Variants in OR6V1 observed in about 807,000 individuals in gnomAD.
The protein encoded by OR6V1 is olfactory receptor family 6 subfamily V member 1, also known as olfactory receptor 6V1.
OR6V1 carries 10 observed loss-of-function variants against 13.2 expected under a neutral mutation model. That is an observed-to-expected ratio of 0.76 (90% CI 0.47 to 1.28). OR6V1 has a LOEUF of 1.28. Ranked by LOEUF, OR6V1 falls within the 50% of genes most tolerant of loss-of-function variation. The probability of loss-of-function intolerance (pLI) is 0.00; values close to 1 mark genes in which losing one functional copy is unlikely to be tolerated. For synonymous variants in OR6V1, 137 were observed against 154.2 expected, an observed-to-expected ratio of 0.89 and a Z score of 0.83; for missense variants, 350 against 380.4, an observed-to-expected ratio of 0.92 and a Z score of 0.67.
In OR6V1 at chr7:143,052,776, G is replaced by A. The variant is rs766206238; in HGVS notation, c.436G>A (p.Ala146Thr). Residue 146 changes from alanine to threonine, a missense_variant, in exon 1 of 1, where the codon GCC becomes ACC. Coordinates refer to ENST00000418316, the MANE Select transcript of OR6V1 (RefSeq NM_001001667.1). Reference sequence around the variant, plus strand: ...TATGTGTGTCCAGCTGGCTGGGGCTGCCTGGGCAGCTCCTTTCCTAGCCAT... The same window carrying A: ...TATGTGTGTCCAGCTGGCTGGGGCTACCTGGGCAGCTCCTTTCCTAGCCAT... ...RAMCVQLAGAAWAAPFLAMVP... is the reference protein window; with the variant it reads ...RAMCVQLAGATWAAPFLAMVP... 6.2e-7 allele frequency: 1 copy of A among 1,613,904 alleles called. No homozygotes were observed. The highest frequency in any genetic ancestry group is 1.7e-5 in the Admixed American group (1 of 60,008).
In OR6V1 at chr7:143,052,520, C is replaced by T. The variant is rs767837767; in HGVS notation, c.180C>T (p.Phe60=). 6.2e-7 allele frequency: 1 copy of T among 1,614,018 alleles called. No homozygotes were observed. The highest frequency in any genetic ancestry group is 1.1e-5 in the South Asian group (1 of 91,082). Residue 60 remains phenylalanine, a synonymous_variant, in exon 1 of 1, where the codon TTC becomes TTT. Transcript: ENST00000418316. ...ACCTACATACACCCATGTACTTCTT[C>T]CTGGGCAATTTTTCCCTGCTGGAGA... ...DTHLHTPMYF[F]LGNFSLLEIL...
chr7:143,052,734 A>G lies in OR6V1; in HGVS notation c.394A>G (p.Thr132Ala). 6.2e-7 allele frequency: 1 copy of G among 1,613,878 alleles called. No individual in the cohort carries two copies. Among genetic ancestry groups the G allele is most frequent in the Non-Finnish European group, 8.5e-7 (1 of 1,179,872 alleles). The change falls in exon 1 of 1, where the codon ACT becomes GCT. Residue 132 changes from threonine (T) to alanine (A), a missense_variant. Coordinates refer to ENST00000418316, the MANE Select transcript of OR6V1 (RefSeq NM_001001667.1). ...CATCTGCCACCCACTGCGCTATGGC[A>G]CTCTGATGAGCCGGGCTATGTGTGT... is the stretch of plus-strand genomic sequence containing the variant. ...VAICHPLRYG[T>A]LMSRAMCVQL...
Position 143,053,153 on chromosome 7 carries a change from C to T in OR6V1, c.813C>T (p.Val271=), listed in dbSNP as rs370552765. The T allele has an allele frequency of 1.9e-6, 3 of 1,613,980 alleles. No individual in the cohort carries two copies. The highest frequency in any genetic ancestry group is 1.1e-5 in the South Asian group (1 of 91,080). The change falls in exon 1 of 1, where the codon GTC becomes GTT. Residue 271 remains valine (V), a synonymous_variant. Coordinates refer to ENST00000418316, the MANE Select transcript of OR6V1 (RefSeq NM_001001667.1). ...CTCACTCTGTGCAAGTCAGGAAGGT[C>T]GTGGCCTTGGTGACTTCAGTTCTCA... is the stretch of plus-strand genomic sequence containing the variant. ...GKAHSVQVRK[V]VALVTSVLTP...
chr7:143,053,096 T>A lies in OR6V1; in HGVS notation c.756T>A (p.Ser252Arg). The A allele has an allele frequency of 2.5e-6, 4 of 1,614,046 alleles. No homozygotes were observed. The South Asian group carries it at 4.4e-5, about 18-fold the overall frequency. ...HLTLVFIGYSSTIFLYVRPGK... is the reference protein window; with the variant it reads ...HLTLVFIGYSRTIFLYVRPGK... ...CACTGGTCTTCATCGGCTACAGTAG[T>A]ACCATCTTTCTGTATGTCAGGCCTG... Residue 252 changes from serine (S) to arginine (R), a missense_variant, in exon 1 of 1, where the codon AGT becomes AGA. Coordinates refer to ENST00000418316, the MANE Select transcript of OR6V1 (RefSeq NM_001001667.1).
Position 143,053,051 on chromosome 7 carries a change from C to T in OR6V1, c.711C>T (p.Ser237=), listed in dbSNP as rs1191018203. Residue 237 remains serine (S), a synonymous_variant, in exon 1 of 1, where the codon TCC becomes TCT. Transcript: ENST00000418316. ...CCAGCAGCTGCCAGAAGGCTTTCTCCACTTGCGGGTCTCACCTCACACTGG... is the reference window on the plus strand; with the variant it reads ...CCAGCAGCTGCCAGAAGGCTTTCTCTACTTGCGGGTCTCACCTCACACTGG... ...PSASSCQKAF[S]TCGSHLTLVF... 8 of 1,614,014 alleles carry T rather than the reference C, an allele frequency of 5.0e-6. No individual in the cohort carries two copies. The highest frequency in any genetic ancestry group is 6.8e-6 in the Non-Finnish European group (8 of 1,179,886).
Position 143,052,598 on chromosome 7 carries a change from C to T in OR6V1, c.258C>T (p.Pro86=), listed in dbSNP as rs61997195. 14,033 of 1,614,004 alleles carry T rather than the reference C, an allele frequency of 8.7e-3. 953 individuals are homozygous for T. The African/African-American group carries it at 0.15, about 18-fold the overall frequency. The change falls in exon 1 of 1, where the codon CCC becomes CCT. Residue 86 remains proline (P), a synonymous_variant. Transcript: ENST00000418316. ...VPRMLSDLLV[P]HKVITFTGCM... ...GGATGCTCTCAGACCTGTTGGTCCC[C>T]CACAAAGTCATTACCTTCACTGGCT...
At position 143,052,445 on chromosome 7, in the gene OR6V1, C is replaced by T. The variant is rs370599285; in HGVS notation, c.105C>T (p.Leu35=). The change falls in exon 1 of 1, where the codon CTC becomes CTT. Residue 35 remains leucine (L), a synonymous_variant. Transcript: ENST00000418316. ...LYGPFLMLYL[L]AFMGNTIIIV... is the part of the protein sequence containing the mutation. ...GCCCCTTCCTCATGCTTTATCTTCT[C>T]GCCTTCATGGGAAACACCATCATCA... 1.4e-5 allele frequency: 23 copies of T among 1,613,728 alleles called. No homozygotes were observed. The highest frequency in any genetic ancestry group is 6.7e-5 in the African/African-American group (5 of 74,900).
Position 143,052,488 on chromosome 7 carries a change from GAC to G in OR6V1, c.151_152del (p.Thr51ProfsTer68). 1 of 1,613,934 alleles carries G rather than the reference GAC, an allele frequency of 6.2e-7. No individual in the cohort carries two copies. The highest frequency in any genetic ancestry group is 8.5e-7 in the Non-Finnish European group (1 of 1,179,874). ...NTIIIVMVIA[D>X]THLHTPMYFF... ...CATCATCATAGTTATGGTCATAGCT[GAC>G]ACCCACCTACATACACCCATGTACT... On this transcript the variant is annotated frameshift_variant, in exon 1 of 1. Transcript: ENST00000418316. LOFTEE classifies it high-confidence loss of function.
Position 143,052,852 on chromosome 7 carries a change from TC to T in OR6V1, c.513del (p.Ile172SerfsTer28), listed in dbSNP as rs1798223403. The T allele has an allele frequency of 6.2e-7, 1 of 1,614,054 alleles. No individual in the cohort carries two copies. Among genetic ancestry groups the T allele is most frequent in the Non-Finnish European group, 8.5e-7 (1 of 1,179,894 alleles). ...CATCTTGATTACTGCCATGGCGACG[TC>T]ATCAACCACTTCTTCTGTGACAATG... ...RAHLDYCHGD[V>X]INHFFCDNEP... On this transcript the variant is annotated frameshift_variant, in exon 1 of 1. Coordinates refer to ENST00000418316, the MANE Select transcript of OR6V1 (RefSeq NM_001001667.1). LOFTEE classifies it high-confidence loss of function.
Position 143,053,172 on chromosome 7 carries a change from G to C in OR6V1, c.832G>C (p.Val278Leu), listed in dbSNP as rs755314327. ...GAAGGTCGTGGCCTTGGTGACTTCA[G>C]TTCTCACCCCCTTTCTCAATCCCTT... ...VRKVVALVTS[V>L]LTPFLNPFIL... The change falls in exon 1 of 1, where the codon GTT becomes CTT. Residue 278 changes from valine to leucine, a missense_variant. Val to Leu is a conservative substitution (Grantham distance 32, BLOSUM62 1). Transcript: ENST00000418316. The C allele has an allele frequency of 2.5e-6, 4 of 1,613,876 alleles. No homozygotes were observed. In the African/African-American group the frequency reaches 4.0e-5, roughly 16 times the overall value.
rs755333653 is a variant in OR6V1, at chr7:143,053,085, G to A, written c.745G>A (p.Gly249Ser). Residue 249 changes from glycine (G) to serine (S), a missense_variant, in exon 1 of 1, where the codon GGC becomes AGC. Coordinates refer to ENST00000418316, the MANE Select transcript of OR6V1 (RefSeq NM_001001667.1). ...CGSHLTLVFI[G>S]YSSTIFLYVR... The stretch of plus-strand genomic sequence containing the variant: ...GTCTCACCTCACACTGGTCTTCATC[G>A]GCTACAGTAGTACCATCTTTCTGTA... 16 of 1,613,844 alleles carry A rather than the reference G, an allele frequency of 9.9e-6. No individual in the cohort carries two copies. Among genetic ancestry groups the A allele is most frequent in the African/African-American group, 2.7e-5 (2 of 74,900 alleles).
chr7:143,052,468 T>G lies in OR6V1; in HGVS notation c.128T>G (p.Ile43Ser). 6.2e-7 allele frequency: 1 copy of G among 1,613,828 alleles called. No individual in the cohort carries two copies. Among genetic ancestry groups the G allele is most frequent in the Non-Finnish European group, 8.5e-7 (1 of 1,179,728 alleles). Reference protein sequence around the residue: ...YLLAFMGNTIIIVMVIADTHL... With the variant: ...YLLAFMGNTISIVMVIADTHL... ...CTCGCCTTCATGGGAAACACCATCA[T>G]CATAGTTATGGTCATAGCTGACACC... The change falls in exon 1 of 1, where the codon ATC (isoleucine) becomes AGC (serine). Residue 43 changes from isoleucine to serine, a missense_variant. Transcript: ENST00000418316.
At position 143,053,247 on chromosome 7, in the gene OR6V1, A is replaced by T. The variant is rs1798230799; in HGVS notation, c.907A>T (p.Met303Leu). The T allele has an allele frequency of 6.2e-7, 1 of 1,608,606 alleles. No individual in the cohort carries two copies. Among genetic ancestry groups the T allele is most frequent in the East Asian group, 2.2e-5 (1 of 44,868 alleles). ...QTVKTVLQGQ[M>L]QRLKGLCKAQ ...AGTTAAAACAGTGCTACAGGGGCAG[A>T]TGCAGAGGCTGAAAGGCCTTTGCAA... The change falls in exon 1 of 1, where the codon ATG becomes TTG. Residue 303 changes from methionine (M) to leucine (L), a missense_variant. Coordinates refer to ENST00000418316, the MANE Select transcript of OR6V1 (RefSeq NM_001001667.1).
rs1586328405 is a variant in OR6V1, at chr7:143,052,352, G to A, written c.12G>A (p.Leu4=). The part of the protein sequence containing the change: MAN[L]SQPSEFVLLG... ...CCATACTGTGGATCATGGCAAATCT[G>A]AGCCAGCCCTCCGAATTTGTCCTCT... Residue 4 remains leucine, a synonymous_variant, in exon 1 of 1, where the codon CTG becomes CTA. Transcript: ENST00000418316. The A allele has an allele frequency of 6.2e-7, 1 of 1,613,714 alleles. No individual in the cohort carries two copies. The highest frequency in any genetic ancestry group is 1.3e-5 in the African/African-American group (1 of 74,992).
Position 143,052,870 on chromosome 7 carries a change from G to C in OR6V1, c.530G>C (p.Cys177Ser). 6.2e-7 allele frequency: 1 copy of C among 1,614,002 alleles called. No individual in the cohort carries two copies. ...GGCGACGTCATCAACCACTTCTTCT[G>C]TGACAATGAACCTCTCCTGCAGTTG... The part of the protein sequence containing the change: ...CHGDVINHFF[C>S]DNEPLLQLSC... Residue 177 changes from cysteine (C) to serine (S), a missense_variant, in exon 1 of 1, where the codon TGT becomes TCT. Physicochemically the swap from Cys to Ser is moderately radical, Grantham distance 112. Coordinates refer to ENST00000418316, the MANE Select transcript of OR6V1 (RefSeq NM_001001667.1).
At position 143,053,035 on chromosome 7, in the gene OR6V1, G is replaced by T; in HGVS notation, c.695G>T (p.Cys232Phe). ...TVLRIPSASSCQKAFSTCGSH... is the reference protein window; with the variant it reads ...TVLRIPSASSFQKAFSTCGSH... ...CTGCGGATCCCCTCTGCCAGCAGCT[G>T]CCAGAAGGCTTTCTCCACTTGCGGG... is the stretch of plus-strand genomic sequence containing the variant. Residue 232 changes from cysteine to phenylalanine, a missense_variant, in exon 1 of 1, where the codon TGC becomes TTC. By Grantham distance (205) the Cys-to-Phe change is radical. Transcript: ENST00000418316. 1.2e-6 allele frequency: 2 copies of T among 1,613,986 alleles called. No individual in the cohort carries two copies. Among genetic ancestry groups the T allele is most frequent in the Non-Finnish European group, 1.7e-6 (2 of 1,179,892 alleles).
rs755954053 is a variant in OR6V1 at position 143,052,690 on chromosome 7, C to T, written c.350C>T (p.Ala117Val). ...TCCTTCCTCATCCTGACAGACATGG[C>T]CCTTGATCGCTTTGTGGCCATCTGC... ...STSFLILTDMALDRFVAICHP... is the reference protein window; with the variant it reads ...STSFLILTDMVLDRFVAICHP... The change falls in exon 1 of 1, where the codon GCC becomes GTC. Residue 117 changes from alanine to valine, a missense_variant. Transcript: ENST00000418316. 1.9e-6 allele frequency: 3 copies of T among 1,614,010 alleles called. No individual in the cohort carries two copies. Among genetic ancestry groups the T allele is most frequent in the Non-Finnish European group, 2.5e-6 (3 of 1,179,878 alleles).
At position 143,053,242 on chromosome 7, in the gene OR6V1, G is replaced by A. The variant is rs1798230752; in HGVS notation, c.902G>A (p.Gly301Glu). 6.2e-7 allele frequency: 1 copy of A among 1,609,268 alleles called. No homozygotes were observed. The highest frequency in any genetic ancestry group is 1.3e-5 in the African/African-American group (1 of 74,906). ...CNQTVKTVLQ[G>E]QMQRLKGLCK... ...CAGACAGTTAAAACAGTGCTACAGGGGCAGATGCAGAGGCTGAAAGGCCTT... is the reference window on the plus strand; with the variant it reads ...CAGACAGTTAAAACAGTGCTACAGGAGCAGATGCAGAGGCTGAAAGGCCTT... Residue 301 changes from glycine (G) to glutamate (E), a missense_variant, in exon 1 of 1, where the codon GGG becomes GAG. Gly to Glu is a moderately conservative substitution (Grantham distance 98, BLOSUM62 -2). Coordinates refer to ENST00000418316, the MANE Select transcript of OR6V1 (RefSeq NM_001001667.1).
Position 143,053,031 on chromosome 7 carries a change from A to AGC in OR6V1, c.692_693dup (p.Cys232AlafsTer45). 2 of 1,613,974 alleles carry AGC rather than the reference A, an allele frequency of 1.2e-6. No homozygotes were observed. Among genetic ancestry groups the AGC allele is most frequent in the South Asian group, 2.2e-5 (2 of 91,084 alleles). ...TGTGCTGCGGATCCCCTCTGCCAGC[A>AGC]GCTGCCAGAAGGCTTTCTCCACTTG... is the stretch of plus-strand genomic sequence containing the variant. On this transcript the variant is annotated frameshift_variant, in exon 1 of 1. Transcript: ENST00000418316. LOFTEE classifies it high-confidence loss of function.
Sources: gnomAD v4.1 joint callset for allele counts on GRCh38, gnomAD v4.1.1 for gene constraint, MANE v1.5 for transcripts, NCBI Gene and HGNC (gene_info 2026-07-23, HGNC 2026-07-21) for gene names.